EXOC6B: variants seen among roughly 807,000 people sequenced by gnomAD.
EXOC6B encodes exocyst complex component 6B.
EXOC6B carries 54 observed loss-of-function variants against 113.5 expected under a neutral mutation model. The ratio of observed to expected loss-of-function variants is 0.48; its 90% CI spans 0.38 to 0.60. EXOC6B has a LOEUF of 0.60. Among genes scored for constraint, EXOC6B ranks in the 20% least tolerant of loss-of-function variants. EXOC6B has a pLI of 0.00. For synonymous variants in EXOC6B, 357 were observed against 339.0 expected (o/e 1.05, Z -0.58); for missense variants, 797 against 977.5 (o/e 0.82, Z 2.46).
At chr2:72,812,687 T>C (rs571640091) in intron 1 of EXOC6B, among the ~76,000 whole-genome samples, 381 of 94,176 alleles carry the variant, frequency 4.0e-3, no homozygotes, top group African/African-American at 7.4e-3. Flanking sequence ...GAGACCCCCA[T>C]CTCTAAAAAA....
intron 6 of EXOC6B, among the ~76,000 whole-genome samples, chr2:72,657,523 C>T (rs1273623348): frequency 6.7e-6 from 1 of 149,656 alleles, no homozygotes; most frequent in Non-Finnish European, 1.5e-5. Context: ...TGAGCCACCA[C>T]ACCTGGCTTG....
intron 13 of EXOC6B, among the ~76,000 whole-genome samples, chr2:72,497,210 G>C (rs1310961445): frequency 2.0e-5 from 3 of 151,824 alleles, no homozygotes; most frequent in Admixed American, 1.3e-4. Flanking sequence ...CTGCCCTCAA[G>C]GGATCTTCCT....
intron 6 of EXOC6B, among the ~76,000 whole-genome samples, chr2:72,638,242 TGG>T (rs1262370243): frequency 6.6e-6 from 1 of 151,960 alleles, no homozygotes; most frequent in Non-Finnish European, 1.5e-5. Context: ...GCTGATAAAT[TGG>T]GAAAACTTAA....
intron 18 of EXOC6B, among the ~76,000 whole-genome samples, chr2:72,387,871 T>C (rs1396192993): frequency 1.3e-5 from 2 of 152,216 alleles, no homozygotes; most frequent in Non-Finnish European, 2.9e-5. Context: ...TGGGTTTCAA[T>C]TTGCTCTTCT....
intron 1 of EXOC6B, among the ~76,000 whole-genome samples, chr2:72,814,833 T>C (rs1686131719): frequency 6.6e-6 from 1 of 151,432 alleles, no homozygotes; most frequent in Non-Finnish European, 1.5e-5. Context: ...CTACTAAAAA[T>C]ACAAAAAATT....
chr2:72,665,743 A>G (rs991699315), intron 6 of EXOC6B, among the ~76,000 whole-genome samples: 5 of 152,184 alleles, frequency 3.3e-5, no homozygotes, highest in South Asian at 2.1e-4. Flanking sequence ...CCACAAAAAC[A>G]CACCTAAATA....
At chr2:72,699,744 T>C (rs1678172250) in intron 6 of EXOC6B, among the ~76,000 whole-genome samples, 1 of 152,148 alleles carries the variant, frequency 6.6e-6, no homozygotes, top group African/African-American at 2.4e-5. Context: ...CAGATAATCA[T>C]TACCCTCAAA....
intron 6 of EXOC6B, among the ~76,000 whole-genome samples, chr2:72,694,394 A>G (rs1425807718): frequency 1.3e-5 from 2 of 152,208 alleles, no homozygotes; most frequent in African/African-American, 4.8e-5. Context: ...GTGAGCTGAG[A>G]TGGTGCCACT....
chr2:72,801,061 T>C (rs1685247883), intron 1 of EXOC6B, among the ~76,000 whole-genome samples: 1 of 152,202 alleles, frequency 6.6e-6, no homozygotes, highest in Non-Finnish European at 1.5e-5. Flanking sequence ...GAATACGTAT[T>C]TGGGCTTGGT....
In EXOC6B at chr2:72,701,784, G is replaced by C. The variant is rs1017840501; in HGVS notation, c.669+16319C>G. Among the ~76,000 whole-genome samples the C allele has an allele frequency of 2.6e-5, 4 of 152,262 alleles. 1 individual carries two copies. The East Asian group carries it at 5.8e-4, about 22-fold the overall frequency. ...ACATTCTTCATGGTGGTGTGCCATA[G>C]CCAGAACATATCTTAACCATCAGCA... is the stretch of plus-strand genomic sequence containing the variant. On this transcript the variant is annotated intron_variant, in intron 6 of 21. Transcript: ENST00000272427.
chr2:72,414,413 G>T (rs1025975394), intron 18 of EXOC6B, among the ~76,000 whole-genome samples: 1 of 151,896 alleles, frequency 6.6e-6, no homozygotes, highest in South Asian at 2.1e-4. Flanking sequence ...ATTACTAGAG[G>T]TTCAAAAAAC....
chr2:72,514,610 A>G, intron 10 of EXOC6B, 24 bp downstream of exon 10: 1 of 343,970 alleles, frequency 2.9e-6, no homozygotes, highest in Non-Finnish European at 4.9e-6. Flanking sequence ...AAATAAATAT[A>G]TATATATATA....
chr2:72,188,583 C>T (rs1257445745), intron 20 of EXOC6B, among the ~76,000 whole-genome samples: 6 of 152,222 alleles, frequency 3.9e-5, no homozygotes, highest in East Asian at 3.9e-4. Flanking sequence ...TTAGAATGAA[C>T]GGCCAAGAAA....
chr2:72,817,916 C>T (rs542140385), intron 1 of EXOC6B, among the ~76,000 whole-genome samples: 1 of 152,300 alleles, frequency 6.6e-6, no homozygotes, highest in South Asian at 2.1e-4. Flanking sequence ...TTCCCTGTTT[C>T]CTCTCTTACT....
At chr2:72,471,727 C>T (rs191868646) in intron 17 of EXOC6B, among the ~76,000 whole-genome samples, 1 of 152,270 alleles carries the variant, frequency 6.6e-6, no homozygotes, top group Non-Finnish European at 1.5e-5. Flanking sequence ...CTAGCTCAGA[C>T]TTCCAATACT....
chr2:72,779,735 G>A (rs757643609), intron 1 of EXOC6B, among the ~76,000 whole-genome samples: 11 of 152,124 alleles, frequency 7.2e-5, no homozygotes, highest in Non-Finnish European at 1.2e-4. Context: ...TTGTCTAAGG[G>A]GTGGGGAATC....
At chr2:72,805,827 C>T (rs765257480) in intron 1 of EXOC6B, among the ~76,000 whole-genome samples, 6 of 152,142 alleles carry the variant, frequency 3.9e-5, no homozygotes, top group Admixed American at 2.0e-4. Flanking sequence ...ATTCTACCCT[C>T]TGCTTCTATG....
intron 19 of EXOC6B, among the ~76,000 whole-genome samples, chr2:72,361,264 TA>T (rs1690298258): frequency 6.6e-6 from 1 of 152,202 alleles, no homozygotes; most frequent in Non-Finnish European, 1.5e-5. Context: ...TTAATTACTC[TA>T]GGACATCTCA....
At chr2:72,646,188 T>C (rs1465516519) in intron 6 of EXOC6B, among the ~76,000 whole-genome samples, 1 of 151,692 alleles carries the variant, frequency 6.6e-6, no homozygotes, top group Non-Finnish European at 1.5e-5. Flanking sequence ...AACTAGAAAA[T>C]CTAGAAGAAA....
Sources: allele counts gnomAD v4.1 joint callset (sites outside exome capture counted in the v4.1 genomes callset), GRCh38; gene constraint gnomAD v4.1.1; transcripts MANE v1.5; gene names NCBI Gene and HGNC (gene_info 2026-07-23, HGNC 2026-07-21).